Variants in MPP7 observed in about 807,000 individuals in gnomAD.
MPP7 encodes the protein MAGUK p55 subfamily member 7.
A neutral mutation model predicts 76.5 loss-of-function variants in MPP7; 60 were observed. The observed-to-expected ratio is 0.78, with a 90% CI of 0.64 to 0.97. The LOEUF (loss-of-function observed/expected upper bound fraction) is 0.97, where lower values mean the gene tolerates loss of function less well. Among genes scored for constraint, MPP7 ranks in the 50% least tolerant of loss-of-function variants. MPP7 has a pLI of 0.00. For missense variants in MPP7, 641 were observed against 694.0 expected (o/e 0.92, Z 0.86); for synonymous variants, 237 against 244.5 (o/e 0.97, Z 0.29).
intron 2 of MPP7, among the ~76,000 whole-genome samples, chr10:28,203,514 A>AC (rs1164652471): frequency 6.8e-6 from 1 of 147,404 alleles, no homozygotes; most frequent in African/African-American, 2.5e-5. Flanking sequence ...AAAAAAAAAA[A>AC]AACCTTCTCT....
intron 3 of MPP7, among the ~76,000 whole-genome samples, chr10:28,183,867 G>GCAATACTGAAA (rs2133917201): frequency 6.6e-6 from 1 of 152,212 alleles, no homozygotes; most frequent in African/African-American, 2.4e-5. Flanking sequence ...TACTGAAAAT[G>GCAATACTGAAA]GTGCAAATCC....
chr10:28,168,750 C>A (rs1324050671), intron 3 of MPP7, among the ~76,000 whole-genome samples: 1 of 152,168 alleles, frequency 6.6e-6, no homozygotes, highest in Non-Finnish European at 1.5e-5. Flanking sequence ...GATCTCCTGA[C>A]TTTGTGATCT....
At chr10:28,068,617 G>C (rs1192878107) in intron 13 of MPP7, among the ~76,000 whole-genome samples, 1 of 152,086 alleles carries the variant, frequency 6.6e-6, no homozygotes, top group Non-Finnish European at 1.5e-5. Context: ...GTACTGAAAA[G>C]AAGCTTACCA....
intron 1 of MPP7, among the ~76,000 whole-genome samples, chr10:28,280,834 A>C (rs779020175): frequency 6.6e-6 from 1 of 152,046 alleles, no homozygotes; most frequent in Admixed American, 6.5e-5. Flanking sequence ...GTCCCATGAG[A>C]GACAAATGGG....
chr10:28,194,800 A>T (rs1837527249), intron 3 of MPP7, among the ~76,000 whole-genome samples: 1 of 152,226 alleles, frequency 6.6e-6, no homozygotes, highest in Non-Finnish European at 1.5e-5. Context: ...GCAAGACATA[A>T]TGCATTTGTC....
At chr10:28,307,339 G>A (rs1298237716), upstream of MPP7, among the ~76,000 whole-genome samples, 1 of 152,136 alleles carries the variant, frequency 6.6e-6, no homozygotes, top group East Asian at 1.9e-4. Flanking sequence ...TGCCATTCTT[G>A]TTCAGGTCTT....
intron 1 of MPP7, among the ~76,000 whole-genome samples, chr10:28,293,769 AG>A (rs1840977666): frequency 1.3e-5 from 2 of 152,334 alleles, no homozygotes; most frequent in African/African-American, 4.8e-5. Flanking sequence ...CTAGCGACCG[AG>A]TAGCAAAAGA....
intron 2 of MPP7, among the ~76,000 whole-genome samples, chr10:28,232,591 G>A (rs148773461): frequency 3.0e-4 from 45 of 152,146 alleles, no homozygotes; most frequent in Non-Finnish European, 4.3e-4. Flanking sequence ...AGCCACTTTC[G>A]AAAATTTACA....
At chr10:28,076,691 C>G (rs1478012409) in intron 12 of MPP7, among the ~76,000 whole-genome samples, 1 of 152,130 alleles carries the variant, frequency 6.6e-6, no homozygotes, top group Non-Finnish European at 1.5e-5. Flanking sequence ...AGTTTGAGAC[C>G]AGCCTGGTCA....
At chr10:28,137,118 G>A (rs1835375512) in intron 5 of MPP7, among the ~76,000 whole-genome samples, 1 of 152,026 alleles carries the variant, frequency 6.6e-6, no homozygotes, top group African/African-American at 2.4e-5. Flanking sequence ...AAAACAATAA[G>A]GATTAAAAAC....
At chr10:28,320,895 G>A (rs766741677) in intron 2 of MPP7, among the ~76,000 whole-genome samples, 14 of 151,518 alleles carry the variant, frequency 9.2e-5, no homozygotes, top group Non-Finnish European at 1.6e-4. Flanking sequence ...AGCCCCTGAC[G>A]AGGTTCATCT....
Position 28,120,638 on chromosome 10 carries a change from T to C in MPP7, c.646A>G (p.Ile216Val). ...AQSQGAITFK[I>V]IPGSKEETPS... ...GTCTCCTCTTTGCTGCCGGGTATAA[T>C]CTTAAATGTAATTGCTCCCTGAGAC... The change falls in exon 9 of 17, where the codon ATT (isoleucine) becomes GTT (valine). Residue 216 changes from isoleucine to valine, a missense_variant. Physicochemically the swap from Ile to Val is conservative, Grantham distance 29 (BLOSUM62 3). Transcript: ENST00000683449. The C allele has an allele frequency of 6.2e-7, 1 of 1,613,820 alleles. No individual in the cohort carries two copies. Among genetic ancestry groups the C allele is most frequent in the Non-Finnish European group, 8.5e-7 (1 of 1,179,860 alleles).
intron 2 of MPP7, among the ~76,000 whole-genome samples, chr10:28,222,680 G>A (rs567962953): frequency 1.3e-5 from 2 of 151,720 alleles, no homozygotes; most frequent in South Asian, 2.1e-4. Context: ...GTGAAACCCC[G>A]TCTCCACTAA....
chr10:28,134,027 TC>T (rs1835277684), intron 5 of MPP7, among the ~76,000 whole-genome samples: 1 of 152,278 alleles, frequency 6.6e-6, no homozygotes, highest in South Asian at 2.1e-4. Context: ...ATGTTTCATA[TC>T]TTTTGATGCA....
At chr10:28,226,171 T>C (rs1277448341) in intron 2 of MPP7, among the ~76,000 whole-genome samples, 2 of 151,910 alleles carry the variant, frequency 1.3e-5, no homozygotes, top group Non-Finnish European at 2.9e-5. Flanking sequence ...TCCACTTACA[T>C]GAAATATCTA....
At chr10:28,313,485 G>A (rs931721774) in intron 2 of MPP7, among the ~76,000 whole-genome samples, 6 of 150,958 alleles carry the variant, frequency 4.0e-5, no homozygotes, top group South Asian at 2.1e-4. Context: ...CAGACTGGGC[G>A]ACAGAGCAAG....
In MPP7 at chr10:28,309,863, G is replaced by C. The variant is rs555422296; in HGVS notation, c.-132+20066C>G. 1.6e-3 allele frequency among the ~76,000 whole-genome samples: 204 copies of C among 127,688 alleles called. 1 individual carries two copies. Among genetic ancestry groups the C allele is most frequent in the Middle Eastern group, 4.2e-3 (1 of 238 alleles). The allele number at this position is 127,688 out of a possible 152,430, so 83.8% of individuals were successfully genotyped here. On this transcript the variant is annotated intron_variant, in intron 2 of 11. Transcript: ENST00000441595. ...GGGATTGGCTCCAGGGTTGGCTCCA[G>C]CTGTCATCACATGATATGCCTGATC...
chr10:28,091,162 C>CA (rs1283596799), intron 11 of MPP7, among the ~76,000 whole-genome samples: 3 of 151,286 alleles, frequency 2.0e-5, no homozygotes, highest in East Asian at 3.9e-4. Context: ...CAAAACAAAA[C>CA]AAAAAAACCC....
intron 1 of MPP7, among the ~76,000 whole-genome samples, chr10:28,246,704 A>T (rs1839446153): frequency 6.6e-6 from 1 of 152,182 alleles, no homozygotes. Context: ...ACGCTTTTAA[A>T]GCATCAGATC....
Sources: gnomAD v4.1 joint callset for allele counts (sites outside exome capture counted in the v4.1 genomes callset) on GRCh38, gnomAD v4.1.1 for gene constraint, MANE v1.5 for transcripts, NCBI Gene and HGNC (gene_info 2026-07-23, HGNC 2026-07-21) for gene names.